PRPF4: variants seen among roughly 807,000 people sequenced by gnomAD.
The protein encoded by PRPF4 is pre-mRNA splicing tri-snRNP complex factor PRPF4.
In PRPF4, 14 loss-of-function variants were observed where a neutral mutation model predicts 72.2. The ratio of observed to expected loss-of-function variants is 0.19; its 90% CI spans 0.13 to 0.30. The LOEUF (loss-of-function observed/expected upper bound fraction) is 0.30. Among genes scored for constraint, PRPF4 ranks in the 10% least tolerant of loss-of-function variants. The pLI, the probability that PRPF4 is intolerant of heterozygous loss-of-function variation, is 1.00. For synonymous variants in PRPF4, 225 were observed against 232.2 expected, an observed-to-expected ratio of 0.97 and a Z score of 0.28; for missense variants, 478 against 653.9, an observed-to-expected ratio of 0.73 and a Z score of 2.93.
At chr9:113,291,421 T>G (rs1210527759) in intron 13 of PRPF4, 46 bp from the exon 14 acceptor site, 3 of 1,537,188 alleles carry the variant, frequency 2.0e-6, no homozygotes, top group Admixed American at 1.9e-5. Flanking sequence ...TCTTCTCTTT[T>G]GAATACTTGA....
chr9:113,283,783 A>G (rs1832352284), intron 6 of PRPF4, among the ~76,000 whole-genome samples: 1 of 152,048 alleles, frequency 6.6e-6, no homozygotes, highest in African/African-American at 2.4e-5. Flanking sequence ...ACTGTAGAAA[A>G]CATCTGGGCA....
Position 113,283,389 on chromosome 9 carries a change from G to A in PRPF4, c.561G>A (p.Arg187=), listed in dbSNP as rs768086721. 2 of 1,613,938 alleles carry A rather than the reference G, an allele frequency of 1.2e-6. No homozygotes were observed. The highest frequency in any genetic ancestry group is 1.3e-5 in the African/African-American group (1 of 74,864). ...RLWIANYSLP[R]AMKRLEEARL... ...TGGTGATGGTGTTTCTGTGTCGCAG[G>A]GCAATGAAACGCTTGGAAGAGGCCC... The change falls in exon 6 of 14, where the codon AGG becomes AGA. Residue 187 remains arginine (R), a splice_region_variant and synonymous_variant. Transcript: ENST00000374198.
At chr9:113,275,993 G>A (rs1168339034) in intron 1 of PRPF4, among the ~76,000 whole-genome samples, 3 of 152,194 alleles carry the variant, frequency 2.0e-5, no homozygotes, top group African/African-American at 7.2e-5. Flanking sequence ...AGCCCCAAAG[G>A]GCAAGCATCT....
intron 3 of PRPF4, among the ~76,000 whole-genome samples, chr9:113,281,308 G>A (rs955155585): frequency 1.3e-5 from 2 of 152,114 alleles, no homozygotes; most frequent in Non-Finnish European, 2.9e-5. Flanking sequence ...CCTTTTCAAA[G>A]GGTATACTTT....
In PRPF4 at chr9:113,291,799, A is replaced by G. The variant is rs1176287585; in HGVS notation, c.*139A>G. ...AGACCCTCAGTAGAATTGGATTTCC[A>G]TGTCAGCCCCCACTCCAGGAAGGCA... On this transcript the variant is annotated 3_prime_UTR_variant, in exon 14 of 14. Coordinates refer to ENST00000374198, the MANE Select transcript of PRPF4 (RefSeq NM_001244926.2). 37 of 881,786 alleles carry G rather than the reference A, an allele frequency of 4.2e-5. No individual in the cohort carries two copies. The Admixed American group carries it at 8.8e-4, about 21-fold the overall frequency. The allele number at this position is 881,786 out of a possible 1,614,324, so 54.6% of individuals were successfully genotyped here. A position where few individuals can be genotyped will look rare whatever the true frequency, so the allele number is the denominator to read the frequency against.
chr9:113,279,068 G>C lies in PRPF4; in HGVS notation c.329G>C (p.Cys110Ser), dbSNP rs1352341750. 2 of 1,614,246 alleles carry C rather than the reference G, an allele frequency of 1.2e-6. No homozygotes were observed. The highest frequency in any genetic ancestry group is 1.7e-6 in the Non-Finnish European group (2 of 1,180,044). ...VSTDDSEVKA[C>S]LRALGEPITL... is the part of the protein sequence containing the mutation. Reference sequence around the variant, plus strand: ...ACAGATGACTCAGAGGTCAAAGCTTGCCTTAGAGCCTTGGGGGAACCCATC... The same window carrying C: ...ACAGATGACTCAGAGGTCAAAGCTTCCCTTAGAGCCTTGGGGGAACCCATC... The change falls in exon 3 of 14, where the codon TGC becomes TCC. Residue 110 changes from cysteine (C) to serine (S), a missense_variant. Transcript: ENST00000374198.
At position 113,288,261 on chromosome 9, in the gene PRPF4, C is replaced by G. The variant is rs1015072843; in HGVS notation, c.1019C>G (p.Thr340Ser). Residue 340 changes from threonine (T) to serine (S), a missense_variant, in exon 10 of 14, where the codon ACC becomes AGC. By Grantham distance (58) the Thr-to-Ser change is moderately conservative. Coordinates refer to ENST00000374198, the MANE Select transcript of PRPF4 (RefSeq NM_001244926.2). ...CCTTCAGGACGTTTCCTGGGCACCA[C>G]CTGGTGAGCCATCCTGTTATTGTTT... ...WHPSGRFLGT[T>S]CYDRSWRLWD... 6.2e-7 allele frequency: 1 copy of G among 1,614,030 alleles called. No individual in the cohort carries two copies.
At position 113,291,859 on chromosome 9, in the gene PRPF4, G is replaced by C. The variant is rs188349748; in HGVS notation, c.*199G>C. 87 of 552,830 alleles carry C rather than the reference G, an allele frequency of 1.6e-4. No homozygotes were observed. In the Admixed American group the frequency reaches 2.8e-3, roughly 17 times the overall value. 34.2% of individuals were successfully genotyped at this position (552,830 alleles called of 1,614,324 possible). On this transcript the variant is annotated 3_prime_UTR_variant, in exon 14 of 14. Transcript: ENST00000374198. ...CTAGGTGATGGGGAACCCCTCTCAC[G>C]GTTGAAAATTTATTACCTTTTTACG...
chr9:113,276,737 A>G lies in PRPF4; in HGVS notation c.205+12A>G. The stretch of plus-strand genomic sequence containing the variant: ...TAATATAACCTCTGGTAAGATGCAA[A>G]TTGTGAGCCCATCTTTACCTCTTTG... On this transcript the variant is annotated intron_variant, in intron 2 of 13. Transcript: ENST00000374198. 2 of 1,598,128 alleles carry G rather than the reference A, an allele frequency of 1.3e-6. No homozygotes were observed.
At position 113,290,790 on chromosome 9, in the gene PRPF4, A is replaced by G; in HGVS notation, c.1236A>G (p.Ile412Met). The G allele has an allele frequency of 6.2e-7, 1 of 1,614,242 alleles. No homozygotes were observed. Among genetic ancestry groups the G allele is most frequent in the South Asian group, 1.1e-5 (1 of 91,086 alleles). Residue 412 changes from isoleucine (I) to methionine (M), a missense_variant, in exon 12 of 14, where the codon ATA (isoleucine) becomes ATG (methionine). Transcript: ENST00000374198. The part of the protein sequence containing the change: ...LEGHLKEIYG[I>M]NFSPNGYHIA... ...GCCACCTGAAAGAAATCTATGGAAT[A>G]AATTTCTCCCCCAATGGGTAAAATA...
At chr9:113,291,427 C>T in intron 13 of PRPF4, 40 bp from the exon 14 acceptor site, 1 of 1,550,314 alleles carries the variant, frequency 6.5e-7, no homozygotes, top group Non-Finnish European at 8.8e-7. Context: ...CTTTTGAATA[C>T]TTGAATTCCT....
At chr9:113,283,826 G>A (rs1440770430) in intron 6 of PRPF4, among the ~76,000 whole-genome samples, 1 of 152,130 alleles carries the variant, frequency 6.6e-6, no homozygotes, top group Non-Finnish European at 1.5e-5. Context: ...CAGCATTTTG[G>A]GAGGCAGAGG....
rs1832641761 is a variant in PRPF4, at chr9:113,292,618, G to C, written c.*958G>C. 6.6e-6 allele frequency: 1 copy of C among 152,148 alleles called. No homozygotes were observed. Among genetic ancestry groups the C allele is most frequent in the African/African-American group, 2.4e-5 (1 of 41,434 alleles). 9.4% of individuals were successfully genotyped at this position (152,148 alleles called of 1,614,324 possible). A position where few individuals can be genotyped will look rare whatever the true frequency, so the allele number is the denominator to read the frequency against. Reference sequence around the variant, plus strand: ...AAAATATCTTTTTTTTTACTTTGAAGTTTGGCAACCTTCATGTTACCCCAA... The same window carrying C: ...AAAATATCTTTTTTTTTACTTTGAACTTTGGCAACCTTCATGTTACCCCAA... On this transcript the variant is annotated 3_prime_UTR_variant, in exon 14 of 14. Coordinates refer to ENST00000374198, the MANE Select transcript of PRPF4 (RefSeq NM_001244926.2).
intron 3 of PRPF4, 41 bp downstream of exon 3, chr9:113,279,172 C>T (rs758447031): frequency 1.3e-6 from 2 of 1,557,036 alleles, no homozygotes; most frequent in Admixed American, 1.9e-5. Context: ...TTATTATAAT[C>T]ACAGGGTTCT....
intron 6 of PRPF4, 99 bp from the exon 7 acceptor site, chr9:113,284,196 G>A (rs117326898): frequency 0.027 from 24,171 of 901,832 alleles, 425 homozygotes; most frequent in Non-Finnish European, 0.03. Flanking sequence ...GGTTAAAACT[G>A]AAAAGCTGCT....
At chr9:113,280,289 CT>C (rs1238504082) in intron 3 of PRPF4, among the ~76,000 whole-genome samples, 1 of 152,136 alleles carries the variant, frequency 6.6e-6, no homozygotes, top group African/African-American at 2.4e-5. Context: ...TTTTCTCTGC[CT>C]GCCCTTTACA....
chr9:113,291,615 C>T lies in PRPF4; in HGVS notation c.1521C>T (p.Ala507=), dbSNP rs146201781. ...TTTCTTCCGATGGGCAGCTCATAGC[C>T]ACTTGCTCATATGACAGGACCTTCA... is the stretch of plus-strand genomic sequence containing the variant. ...LDISSDGQLI[A]TCSYDRTFKL... is the part of the protein sequence containing the mutation. Residue 507 remains alanine, a synonymous_variant, in exon 14 of 14, where the codon GCC becomes GCT. Transcript: ENST00000374198. 1.1e-4 allele frequency: 172 copies of T among 1,614,142 alleles called. No homozygotes were observed. The African/African-American group carries it at 1.9e-3, about 18-fold the overall frequency.
chr9:113,283,519 G>A (rs373310089), intron 6 of PRPF4, 37 bp downstream of exon 6: 1 of 1,604,894 alleles, frequency 6.2e-7, no homozygotes, highest in East Asian at 2.2e-5. Flanking sequence ...CATCTTAAAG[G>A]TTCTTCATGT....
rs150504332 is a variant in PRPF4, at chr9:113,275,743, C to T, written c.-1C>T. On this transcript the variant is annotated 5_prime_UTR_variant, in exon 1 of 14. Coordinates refer to ENST00000374198, the MANE Select transcript of PRPF4 (RefSeq NM_001244926.2). The stretch of plus-strand genomic sequence containing the variant: ...GGGGCCTCGCGGCTCCAGAGCCCAG[C>T]ATGGCTTCCTCGCGAGCCTCTTCCA... The T allele has an allele frequency of 8.1e-6, 13 of 1,611,920 alleles. No homozygotes were observed. The highest frequency in any genetic ancestry group is 2.7e-5 in the African/African-American group (2 of 74,760).
Sources: gnomAD v4.1 joint callset for allele counts (sites outside exome capture counted in the v4.1 genomes callset) on GRCh38, gnomAD v4.1.1 for gene constraint, MANE v1.5 for transcripts, NCBI Gene and HGNC (gene_info 2026-07-23, HGNC 2026-07-21) for gene names.